WDR11: variants seen among roughly 807,000 people sequenced by gnomAD.
WDR11 encodes WD repeat-containing protein 11.
WDR11 carries 83 observed loss-of-function variants against 151.2 expected under a neutral mutation model. The observed-to-expected ratio is 0.55, with a 90% CI of 0.46 to 0.66. The LOEUF is 0.66. Ranked by LOEUF, WDR11 falls within the 30% of genes least tolerant of loss-of-function variation. WDR11 has a pLI of 0.00. For synonymous variants in WDR11, 484 were observed against 533.1 expected (o/e 0.91, Z 1.27); for missense variants, 1,301 against 1,480.9 (o/e 0.88, Z 1.99).
At chr10:120,853,586 G>C (rs1239469521) in intron 2 of WDR11, among the ~76,000 whole-genome samples, 1 of 152,150 alleles carries the variant, frequency 6.6e-6, no homozygotes, top group Non-Finnish European at 1.5e-5. Context: ...TTTTGAGTAG[G>C]AGATTGATGT....
intron 11 of WDR11, 74 bp from the exon 12 acceptor site, chr10:120,878,279 T>G: frequency 7.9e-7 from 1 of 1,262,356 alleles, no homozygotes; most frequent in South Asian, 1.3e-5. Context: ...TTTGGAAAAC[T>G]TATTTTTCAA....
At chr10:120,905,716 G>C in intron 26 of WDR11, 160 bp from the exon 27 acceptor site, 1 of 1,312,172 alleles carries the variant, frequency 7.6e-7, no homozygotes, top group Non-Finnish European at 1.1e-6. Flanking sequence ...GGCACAGACC[G>C]TTATCATTAT....
intron 12 of WDR11, chr10:120,880,119 A>G (rs966359000): frequency 2.0e-5 from 3 of 152,202 alleles, no homozygotes; most frequent in Non-Finnish European, 2.9e-5. Context: ...ATTTGGAAAC[A>G]TGGGAATGTT....
intron 27 of WDR11, chr10:120,906,545 TA>T: frequency 7.2e-7 from 1 of 1,391,604 alleles, no homozygotes; most frequent in Non-Finnish European, 9.3e-7. Context: ...TTTGTGTATT[TA>T]AACTATTTCA....
At chr10:120,900,202 C>T in intron 20 of WDR11, 65 bp downstream of exon 20, 1 of 1,320,240 alleles carries the variant, frequency 7.6e-7, no homozygotes, top group East Asian at 2.3e-5. Flanking sequence ...CCATGAAAGT[C>T]AGCCATGGCC....
intron 9 of WDR11, among the ~76,000 whole-genome samples, chr10:120,869,238 G>T (rs533099416): frequency 6.6e-6 from 1 of 150,402 alleles, no homozygotes; most frequent in Non-Finnish European, 1.5e-5. Flanking sequence ...AGCCTCCCGC[G>T]TAGCTGGGAC....
intron 5 of WDR11, 42 bp downstream of exon 5, chr10:120,862,963 G>C (rs1283496397): frequency 1.6e-6 from 2 of 1,289,962 alleles, no homozygotes; most frequent in South Asian, 1.2e-5. Flanking sequence ...TACTTATCTG[G>C]TATGAAAGCA....
chr10:120,899,941 C>A, intron 19 of WDR11, 88 bp from the exon 20 acceptor site: 1 of 1,086,806 alleles, frequency 9.2e-7, no homozygotes, highest in Non-Finnish European at 1.4e-6. Flanking sequence ...TTGCTCTCTG[C>A]TGACTGCTCT....
At chr10:120,908,403 CTCCTGTGTTCA>C (rs1000943735) in intron 28 of WDR11, 142 bp from the exon 29 acceptor site, 3 of 769,150 alleles carry the variant, frequency 3.9e-6, no homozygotes, top group Admixed American at 2.0e-5. Context: ...CGCGAAAAGT[CTCCTGTGTTCA>C]TCCTGTGCTG....
intron 11 of WDR11, among the ~76,000 whole-genome samples, chr10:120,874,200 TTG>T (rs1846667353): frequency 6.0e-5 from 5 of 83,768 alleles, no homozygotes; most frequent in African/African-American, 1.8e-4. Context: ...TTTGTTGTTG[TTG>T]TTGTTGTTTG....
chr10:120,892,740 T>G (rs571899185), intron 19 of WDR11, among the ~76,000 whole-genome samples: 1 of 152,298 alleles, frequency 6.6e-6, no homozygotes, highest in Non-Finnish European at 1.5e-5. Flanking sequence ...CACTTCTTCC[T>G]CCAATAAAGA....
chr10:120,867,600 A>G (rs1846360246), intron 9 of WDR11, among the ~76,000 whole-genome samples: 4 of 152,206 alleles, frequency 2.6e-5, no homozygotes, highest in Admixed American at 6.5e-5. Flanking sequence ...TTAATCTCCC[A>G]AGTCTAATTT....
intron 10 of WDR11, among the ~76,000 whole-genome samples, chr10:120,872,236 G>A (rs986778848): frequency 2.6e-5 from 4 of 152,078 alleles, no homozygotes; most frequent in Admixed American, 6.5e-5. Context: ...TTTTGAAAGC[G>A]ATTTGATTTT....
At chr10:120,853,976 A>C (rs978113464) in intron 2 of WDR11, among the ~76,000 whole-genome samples, 3 of 152,182 alleles carry the variant, frequency 2.0e-5, no homozygotes, top group Non-Finnish European at 2.9e-5. Context: ...GGGCTTTAGG[A>C]GATAGGTCAG....
intron 19 of WDR11, among the ~76,000 whole-genome samples, chr10:120,893,771 A>G (rs1227757402): frequency 1.6e-4 from 24 of 152,000 alleles, no homozygotes; most frequent in Admixed American, 3.3e-4. Flanking sequence ...GCCAGTGATG[A>G]TGAGCATTTT....
At chr10:120,861,415 G>A (rs1846137585) in intron 4 of WDR11, among the ~76,000 whole-genome samples, 1 of 152,148 alleles carries the variant, frequency 6.6e-6, no homozygotes, top group African/African-American at 2.4e-5. Context: ...TACTCACATA[G>A]GTGCAGTGCT....
At chr10:120,868,310 C>T (rs1218382773) in intron 9 of WDR11, among the ~76,000 whole-genome samples, 1 of 151,888 alleles carries the variant, frequency 6.6e-6, no homozygotes, top group Non-Finnish European at 1.5e-5. Flanking sequence ...AAGAATTAGC[C>T]AGGTGCAGTG....
chr10:120,892,003 T>C (rs888528782), intron 19 of WDR11, among the ~76,000 whole-genome samples: 1 of 152,236 alleles, frequency 6.6e-6, no homozygotes, highest in Admixed American at 6.5e-5. Flanking sequence ...GTATTCATTT[T>C]AAACCTAAAG....
chr10:120,898,447 A>C (rs1436785657), intron 19 of WDR11, among the ~76,000 whole-genome samples: 5 of 152,220 alleles, frequency 3.3e-5, no homozygotes, highest in African/African-American at 1.2e-4. Flanking sequence ...CCTTCATTAT[A>C]CTAGCCATAT....
Sources: allele counts gnomAD v4.1 joint callset (sites outside exome capture counted in the v4.1 genomes callset), GRCh38; gene constraint gnomAD v4.1.1; transcripts MANE v1.5; gene names NCBI Gene and HGNC (gene_info 2026-07-23, HGNC 2026-07-21).